The following GFPT2 variants were observed in gnomAD, a reference collection of about 807,000 sequenced individuals.
The protein encoded by GFPT2 is glutamine--fructose-6-phosphate aminotransferase [isomerizing] 2.
GFPT2 carries 62 observed loss-of-function variants against 85.6 expected under a neutral mutation model. The observed-to-expected ratio is 0.72, with a 90% CI of 0.59 to 0.90. GFPT2 has a LOEUF of 0.90. Among genes scored for constraint, GFPT2 ranks in the 40% least tolerant of loss-of-function variants. GFPT2 has a pLI of 0.00. For missense variants in GFPT2, 788 were observed against 893.4 expected, an observed-to-expected ratio of 0.88 and a Z score of 1.50; for synonymous variants, 368 against 344.5, an observed-to-expected ratio of 1.07 and a Z score of -0.75.
In GFPT2 at chr5:180,302,512, G is replaced by A. The variant is rs1763696102; in HGVS notation, c.1915C>T (p.Pro639Ser). 1 of 1,613,954 alleles carries A rather than the reference G, an allele frequency of 6.2e-7. No individual in the cohort carries two copies. The highest frequency in any genetic ancestry group is 1.1e-5 in the South Asian group (1 of 91,088). The change falls in exon 18 of 19, where the codon CCC (proline) becomes TCC (serine). Residue 639 changes from proline (P) to serine (S), a missense_variant. By Grantham distance (74) the Pro-to-Ser change is moderately conservative (BLOSUM62 -1). Coordinates refer to ENST00000253778, the MANE Select transcript of GFPT2 (RefSeq NM_005110.4). ...SKFAYKTIEL[P>S]HTVDCLQGIL... ...CCCTGGAGGCAGTCCACAGTGTGGG[G>A]CAGCTCAATTGTCTTATACGCAAAC...
rs1763904739 is a variant in GFPT2, at chr5:180,312,147, CA to C, written c.1546+282del. ...GCGGGGAGGCTGAGGACCAGGGAGG[CA>C]GGGAGGCTGAGGACCAGGGAGGCAG... On this transcript the variant is annotated intron_variant, in intron 15 of 18. Transcript: ENST00000253778. Among the ~76,000 whole-genome samples the C allele has an allele frequency of 1.5e-4, 10 of 67,816 alleles. 2 individuals are homozygous for C. Among genetic ancestry groups the C allele is most frequent in the African/African-American group, 4.7e-4 (9 of 18,984 alleles). 44.5% of individuals were successfully genotyped at this position (67,816 alleles called of 152,430 possible).
At position 180,304,837 on chromosome 5, in the gene GFPT2, C is replaced by T. The variant is rs989026203; in HGVS notation, c.1777G>A (p.Val593Ile). ...GCGAAGCAAGGATCCTTCATAATGACCATGATGACGGGCATCTGCTTGTCA... is the reference window on the plus strand; with the variant it reads ...GCGAAGCAAGGATCCTTCATAATGATCATGATGACGGGCATCTGCTTGTCA... ...LIDKQMPVIM[V>I]IMKDPCFAKC... Residue 593 changes from valine to isoleucine, a missense_variant, in exon 17 of 19, where the codon GTC becomes ATC. By Grantham distance (29) the Val-to-Ile change is conservative. Coordinates refer to ENST00000253778, the MANE Select transcript of GFPT2 (RefSeq NM_005110.4). 13 of 1,613,784 alleles carry T rather than the reference C, an allele frequency of 8.1e-6. No homozygotes were observed. Among genetic ancestry groups the T allele is most frequent in the Non-Finnish European group, 1.1e-5 (13 of 1,179,760 alleles).
chr5:180,316,407 T>A lies in GFPT2; in HGVS notation c.1207A>T (p.Ser403Cys). 1 of 1,613,952 alleles carries A rather than the reference T, an allele frequency of 6.2e-7. No homozygotes were observed. The highest frequency in any genetic ancestry group is 8.5e-7 in the Non-Finnish European group (1 of 1,179,826). The change falls in exon 13 of 19, where the codon AGT (serine) becomes TGT (cysteine). Residue 403 changes from serine to cysteine, a missense_variant. By Grantham distance (112) the Ser-to-Cys change is moderately radical. Transcript: ENST00000253778. ...GGTGTGTTCCTGTCCAGAAAATCAC[T>A]AGCAAGTTCAACCATCACAGGAAGC... ...TELPVMVELA[S>C]DFLDRNTPVF...
At position 180,313,976 on chromosome 5, in the gene GFPT2, G is replaced by A; in HGVS notation, c.1274-12C>T. Reference sequence around the variant, plus strand: ...GTCCGCGGTCTCGCCTGCCGCCCAGGGGCCCTCTCAGTGCCGCGCTCCGCC... The same window carrying A: ...GTCCGCGGTCTCGCCTGCCGCCCAGAGGCCCTCTCAGTGCCGCGCTCCGCC... On this transcript the variant is annotated splice_polypyrimidine_tract_variant and intron_variant, in intron 13 of 18. Coordinates refer to ENST00000253778, the MANE Select transcript of GFPT2 (RefSeq NM_005110.4). The A allele has an allele frequency of 1.9e-6, 3 of 1,587,814 alleles. No individual in the cohort carries two copies. The highest frequency in any genetic ancestry group is 1.1e-5 in the South Asian group (1 of 89,320).
Position 180,316,033 on chromosome 5 carries a change from G to A in GFPT2, c.1273+308C>T, listed in dbSNP as rs545818369. Among the ~76,000 whole-genome samples, 42 of 152,292 alleles carry A rather than the reference G, an allele frequency of 2.8e-4. No homozygotes were observed. In the South Asian group the frequency reaches 3.7e-3, roughly 14 times the overall value. ...ATCAGCAAACATTTATGAGCACTTC[G>A]GTAAGTGGTCCTTGAAGTCTTGGAT... On this transcript the variant is annotated intron_variant, in intron 13 of 18. Coordinates refer to ENST00000253778, the MANE Select transcript of GFPT2 (RefSeq NM_005110.4).
chr5:180,318,923 G>A lies in GFPT2; in HGVS notation c.828C>T (p.Phe276=). Residue 276 remains phenylalanine, a synonymous_variant, in exon 10 of 19, where the codon TTC becomes TTT. Transcript: ENST00000253778. This position sits in a 1 kb window ranked among gnomAD's most constrained non-coding sequence, Gnocchi z 4.2. ...CTGCGGCGATGTCATCGTCCTCCAGGAAGATGACCCGGTTGGTGTGCTCTA... is the reference window on the plus strand; with the variant it reads ...CTGCGGCGATGTCATCGTCCTCCAGAAAGATGACCCGGTTGGTGTGCTCTA... ...AIIEHTNRVI[F]LEDDDIAAVA... is the part of the protein sequence containing the mutation. 1.9e-6 allele frequency: 3 copies of A among 1,613,520 alleles called. No individual in the cohort carries two copies. The highest frequency in any genetic ancestry group is 2.5e-6 in the Non-Finnish European group (3 of 1,180,008).
At chr5:180,347,800 C>A (rs1764638212) in intron 1 of GFPT2, among the ~76,000 whole-genome samples, 1 of 151,918 alleles carries the variant, frequency 6.6e-6, no homozygotes, top group Non-Finnish European at 1.5e-5. Flanking sequence ...TCCTCTACAG[C>A]CCCTGGAGTG....
chr5:180,329,204 C>A (rs1222323755), intron 6 of GFPT2, among the ~76,000 whole-genome samples: 1 of 152,202 alleles, frequency 6.6e-6, no homozygotes, highest in African/African-American at 2.4e-5. Context: ...CAGCCCCAGG[C>A]CCCGGGTGGT....
chr5:180,317,714 G>A (rs4700939), intron 10 of GFPT2, among the ~76,000 whole-genome samples: 1 of 101,880 alleles, frequency 9.8e-6, no homozygotes, highest in East Asian at 3.0e-4. Context: ...AGCCGAGATC[G>A]CGCCACAGCA....
chr5:180,351,047 T>C (rs149950051), intron 1 of GFPT2, among the ~76,000 whole-genome samples: 293 of 152,388 alleles, frequency 1.9e-3, no homozygotes, highest in African/African-American at 6.6e-3. Context: ...TTCACGATTC[T>C]TGCAGTATCC....
chr5:180,330,909 C>A lies in GFPT2; in HGVS notation c.400-75G>T. The A allele has an allele frequency of 1.5e-6, 2 of 1,339,000 alleles. No homozygotes were observed. Among genetic ancestry groups the A allele is most frequent in the Non-Finnish European group, 1.1e-6 (1 of 945,044 alleles). The allele number at this position is 1,339,000 out of a possible 1,614,324, so 82.9% of individuals were successfully genotyped here. On this transcript the variant is annotated intron_variant, in intron 5 of 18. Transcript: ENST00000253778. This position sits in a 1 kb window ranked among gnomAD's most constrained non-coding sequence, Gnocchi z 4.4. ...CTGCCTGGCCAACTCCCTCTCCTCC[C>A]TGGTGATCTGCCCTTGGAGTGACTT... is the stretch of plus-strand genomic sequence containing the variant.
At position 180,318,778 on chromosome 5, in the gene GFPT2, C is replaced by A. The variant is rs2127650653; in HGVS notation, c.958+15G>T. 2 of 1,612,452 alleles carry A rather than the reference C, an allele frequency of 1.2e-6. No individual in the cohort carries two copies. Among genetic ancestry groups the A allele is most frequent in the Middle Eastern group, 3.3e-4 (2 of 6,056 alleles). ...CTCCCGAGGCTGCCGCACGTGGACT[C>A]TGGAGGACACCTGCCTTTCATGATT... On this transcript the variant is annotated intron_variant, in intron 10 of 18. Transcript: ENST00000253778. The surrounding 1 kb of genome is among the most constrained non-coding windows in gnomAD (Gnocchi z 4.2).
Position 180,335,815 on chromosome 5 carries a change from G to C in GFPT2, c.340+13C>G, listed in dbSNP as rs1055735433. The stretch of plus-strand genomic sequence containing the variant: ...GAGGTGGAACCATGGGGACGGGGAA[G>C]CATGCCACATACCGTTGCCTTTGTC... On this transcript the variant is annotated intron_variant, in intron 4 of 18. Transcript: ENST00000253778. 6.2e-7 allele frequency: 1 copy of C among 1,601,794 alleles called. No individual in the cohort carries two copies. The highest frequency in any genetic ancestry group is 1.7e-5 in the Admixed American group (1 of 57,810).
intron 15 of GFPT2, among the ~76,000 whole-genome samples, 191 bp from the exon 16 acceptor site, chr5:180,307,494 TGG>T (rs1763804813): frequency 6.6e-6 from 1 of 152,216 alleles, no homozygotes; most frequent in Non-Finnish European, 1.5e-5. Flanking sequence ...TCTGTTAGGA[TGG>T]GGATTCGTGT....
chr5:180,309,627 G>C (rs781604044), intron 15 of GFPT2, among the ~76,000 whole-genome samples: 1 of 152,008 alleles, frequency 6.6e-6, no homozygotes, highest in Non-Finnish European at 1.5e-5. Context: ...GGTCAGGCTG[G>C]TCTCGAACTC....
chr5:180,321,861 G>A (rs2127651686), intron 9 of GFPT2, among the ~76,000 whole-genome samples: 1 of 152,326 alleles, frequency 6.6e-6, no homozygotes, highest in African/African-American at 2.4e-5. Flanking sequence ...TCGGCTCACT[G>A]CAAGCTCCGC....
intron 15 of GFPT2, among the ~76,000 whole-genome samples, chr5:180,309,704 G>A (rs944784616): frequency 5.3e-5 from 8 of 152,090 alleles, no homozygotes; most frequent in Admixed American, 5.2e-4. Context: ...GAGCCACCAC[G>A]CCTGGCCCCA....
intron 1 of GFPT2, among the ~76,000 whole-genome samples, chr5:180,348,704 G>A (rs1284637513): frequency 6.6e-6 from 1 of 151,646 alleles, no homozygotes; most frequent in Non-Finnish European, 1.5e-5. Flanking sequence ...TCTGCTTCCT[G>A]TGGTAACCTG....
intron 1 of GFPT2, among the ~76,000 whole-genome samples, chr5:180,348,333 T>C (rs1056980073): frequency 6.6e-6 from 1 of 152,198 alleles, no homozygotes; most frequent in African/African-American, 2.4e-5. Flanking sequence ...TCCACTCTCC[T>C]GGGTGAGGCC....
Sources: gnomAD v4.1 joint callset for allele counts (sites outside exome capture counted in the v4.1 genomes callset) on GRCh38, gnomAD v4.1.1 for gene constraint, Gnocchi (gnomAD v3.1) non-coding constraint, MANE v1.5 for transcripts, NCBI Gene and HGNC (gene_info 2026-07-23, HGNC 2026-07-21) for gene names.